The following ATP10A variants were observed in gnomAD, a reference collection of about 807,000 sequenced individuals.
The protein encoded by ATP10A is phospholipid-transporting ATPase VA.
Under a neutral mutation model 147.8 loss-of-function variants are expected in ATP10A, and 111 were observed. That is an observed-to-expected ratio of 0.75 (90% CI 0.64 to 0.88). The LOEUF (loss-of-function observed/expected upper bound fraction) is 0.88. Among genes scored for constraint, ATP10A ranks in the 40% least tolerant of loss-of-function variants. The pLI is 0.00. For synonymous variants in ATP10A, 875 were observed against 841.6 expected (o/e 1.04, Z -0.69); for missense variants, 1,927 against 1,959.0 (o/e 0.98, Z 0.31).
intron 15 of ATP10A, among the ~76,000 whole-genome samples, chr15:25,688,307 C>G (rs948661728): frequency 5.9e-5 from 9 of 152,176 alleles, no homozygotes; most frequent in East Asian, 3.9e-4. Context: ...CTGTTCCCCC[C>G]AGAAGCCTTG....
At chr15:25,799,414 G>A (rs1890834015) in intron 1 of ATP10A, among the ~76,000 whole-genome samples, 2 of 152,134 alleles carry the variant, frequency 1.3e-5, no homozygotes, top group Non-Finnish European at 2.9e-5. Flanking sequence ...CTAAAGGCTG[G>A]CACTACAAAC....
chr15:25,824,456 G>A (rs543384661), intron 1 of ATP10A, among the ~76,000 whole-genome samples: 1 of 142,962 alleles, frequency 7.0e-6, no homozygotes, highest in Non-Finnish European at 1.5e-5. Context: ...CCTGGACAAG[G>A]GAGCAAGACC....
intron 3 of ATP10A, among the ~76,000 whole-genome samples, chr15:25,732,467 T>A (rs1886992741): frequency 6.6e-6 from 1 of 151,710 alleles, no homozygotes; most frequent in Non-Finnish European, 1.5e-5. Context: ...CCCATTCCTA[T>A]CTCATTCCAC....
At chr15:25,779,343 C>T (rs1889780570) in intron 2 of ATP10A, among the ~76,000 whole-genome samples, 1 of 152,230 alleles carries the variant, frequency 6.6e-6, no homozygotes. Flanking sequence ...TTAAGTGGCA[C>T]TCACCCTCTG....
At chr15:25,681,175 C>T (rs72701774) in intron 17 of ATP10A, 101 bp from the exon 18 acceptor site, 11 of 944,152 alleles carry the variant, frequency 1.2e-5, no homozygotes, top group African/African-American at 6.4e-5. Context: ...AAAACAACAA[C>T]AATAACAACA....
In ATP10A at chr15:25,788,061, C is replaced by T. The variant is rs1323121915; in HGVS notation, c.450-6838G>A. 2.6e-5 allele frequency among the ~76,000 whole-genome samples: 4 copies of T among 152,182 alleles called. No homozygotes were observed. The East Asian group carries it at 7.7e-4, about 29-fold the overall frequency. ...GCTGATTTGGTGGCTTTGAGAGGTGCTCCCAACGTGGGCAGGGCACACCTG... is the reference window on the plus strand; with the variant it reads ...GCTGATTTGGTGGCTTTGAGAGGTGTTCCCAACGTGGGCAGGGCACACCTG... On this transcript the variant is annotated intron_variant, in intron 1 of 20. Transcript: ENST00000555815.
At chr15:25,724,353 C>G (rs1383244028) in intron 5 of ATP10A, among the ~76,000 whole-genome samples, 2 of 152,190 alleles carry the variant, frequency 1.3e-5, no homozygotes, top group African/African-American at 4.8e-5. Flanking sequence ...ACGCATCTCA[C>G]GAAATACCTG....
Position 25,721,789 on chromosome 15 carries a change from C to T in ATP10A, c.1231G>A (p.Ala411Thr). ...CCTAAGTCTTCCGTGATGTTCAGAG[C>T]TCGGCACTGCAGCTGCGAGTCTGTT... Reference protein sequence around the residue: ...EETDSQLQCRALNITEDLGQI... With the variant: ...EETDSQLQCRTLNITEDLGQI... Residue 411 changes from alanine (A) to threonine (T), a missense_variant, in exon 7 of 21, where the codon GCT (alanine) becomes ACT (threonine). Physicochemically the swap from Ala to Thr is moderately conservative, Grantham distance 58. Transcript: ENST00000555815. 6.2e-7 allele frequency: 1 copy of T among 1,614,170 alleles called. No homozygotes were observed. The highest frequency in any genetic ancestry group is 8.5e-7 in the Non-Finnish European group (1 of 1,180,034).
At chr15:25,863,979 C>G (rs980687345), upstream of ATP10A, among the ~76,000 whole-genome samples, 7 of 152,182 alleles carry the variant, frequency 4.6e-5, no homozygotes, top group Non-Finnish European at 7.3e-5. Flanking sequence ...AGAAATATAT[C>G]GCTATAGCAA....
chr15:25,698,559 A>T (rs1187134344), intron 13 of ATP10A, among the ~76,000 whole-genome samples: 1 of 152,182 alleles, frequency 6.6e-6, no homozygotes, highest in African/African-American at 2.4e-5. Flanking sequence ...ATGAATAGTC[A>T]AGTTTTTGGA....
chr15:25,740,386 G>T (rs949961486), intron 2 of ATP10A, among the ~76,000 whole-genome samples: 5 of 152,332 alleles, frequency 3.3e-5, no homozygotes, highest in Middle Eastern at 3.4e-3. Context: ...GCTCCAGGTG[G>T]AAATCTGTGA....
At chr15:25,701,881 G>T (rs563455781) in intron 13 of ATP10A, 35 bp downstream of exon 13, 1 of 1,553,588 alleles carries the variant, frequency 6.4e-7, no homozygotes, top group South Asian at 1.2e-5. Flanking sequence ...GACCACCCCA[G>T]GGGAAGGAAG....
intron 1 of ATP10A, among the ~76,000 whole-genome samples, chr15:25,789,487 A>G (rs1890311282): frequency 6.6e-6 from 1 of 152,048 alleles, no homozygotes; most frequent in South Asian, 2.1e-4. Flanking sequence ...TGGAATAATC[A>G]TTAGTGCCAA....
chr15:25,804,214 CTGTGTGTGTGTCTATA>C (rs1567397200), intron 1 of ATP10A, among the ~76,000 whole-genome samples: 2 of 148,090 alleles, frequency 1.4e-5, no homozygotes, highest in Admixed American at 1.4e-4. Context: ...GTGTGTGCAT[CTGTGTGTGTGTCTATA>C]TGTGTGATGT....
At chr15:25,704,710 G>A (rs980305879) in intron 12 of ATP10A, among the ~76,000 whole-genome samples, 1 of 152,216 alleles carries the variant, frequency 6.6e-6, no homozygotes, top group Non-Finnish European at 1.5e-5. Flanking sequence ...CATGAAACAT[G>A]GCAGAGGAAA....
At chr15:25,823,259 T>G (rs1329507941) in intron 1 of ATP10A, among the ~76,000 whole-genome samples, 1 of 152,194 alleles carries the variant, frequency 6.6e-6, no homozygotes, top group Non-Finnish European at 1.5e-5. Context: ...TGATTACACA[T>G]TAGCAACAGT....
intron 1 of ATP10A, among the ~76,000 whole-genome samples, chr15:25,854,571 A>G (rs1272333491): frequency 6.6e-6 from 1 of 152,268 alleles, no homozygotes; most frequent in Non-Finnish European, 1.5e-5. Flanking sequence ...TCCTAGAAAG[A>G]TACAACTATC....
intron 3 of ATP10A, among the ~76,000 whole-genome samples, chr15:25,728,227 G>A (rs6576447): frequency 0.99 from 150,238 of 152,294 alleles, 74,154 homozygotes; most frequent in East Asian, 1. Flanking sequence ...GCCAGCTATT[G>A]GCCTTCTGAC....
At chr15:25,816,229 A>G (rs2317391) in intron 1 of ATP10A, among the ~76,000 whole-genome samples, 122,849 of 151,458 alleles carry the variant, frequency 0.81, 49,896 homozygotes, top group East Asian at 0.84. Context: ...GTTTTGTTTT[A>G]TTTTGCTTTG....
Sources: gnomAD v4.1 joint callset for allele counts (sites outside exome capture counted in the v4.1 genomes callset) on GRCh38, gnomAD v4.1.1 for gene constraint, MANE v1.5 for transcripts, NCBI Gene and HGNC (gene_info 2026-07-23, HGNC 2026-07-21) for gene names.